Variants in PSEN1 observed in about 807,000 individuals in gnomAD.
PSEN1 encodes presenilin-1.
Under a neutral mutation model 53.5 loss-of-function variants are expected in PSEN1, and 15 were observed. The ratio of observed to expected loss-of-function variants is 0.28; its 90% CI spans 0.19 to 0.43. The LOEUF is 0.43. PSEN1 is among the 20% of genes least tolerant of loss of function. The pLI, the probability that PSEN1 is intolerant of heterozygous loss-of-function variation, is 1.00. For synonymous variants in PSEN1, 208 were observed against 209.8 expected (o/e 0.99, Z 0.08); for missense variants, 387 against 571.2 (o/e 0.68, Z 3.29).
rs756256461 is a variant in PSEN1 at position 73,192,669 on chromosome 14, G to A, written c.574G>A (p.Ala192Thr). 6.2e-7 allele frequency: 1 copy of A among 1,613,716 alleles called. No individual in the cohort carries two copies. Among genetic ancestry groups the A allele is most frequent in the East Asian group, 2.2e-5 (1 of 44,878 alleles). ...GGAAGTGTTTAAAACCTATAACGTTGCTGTGGACTACATTACTGTTGCACT... is the reference window on the plus strand; with the variant it reads ...GGAAGTGTTTAAAACCTATAACGTTACTGTGGACTACATTACTGTTGCACT... ...LGEVFKTYNV[A>T]VDYITVALLI... Residue 192 changes from alanine (A) to threonine (T), a missense_variant, in exon 7 of 12, where the codon GCT becomes ACT. By Grantham distance (58) the Ala-to-Thr change is moderately conservative. Around this residue, in one of 4 missense-constraint regions of PSEN1, gnomAD observed 169 missense variants for 299.7 expected, o/e 0.56. Transcript: ENST00000324501.
rs569649989 is a variant in PSEN1 at position 73,141,487 on chromosome 14, T to A, written c.-136+4904T>A. Among the ~76,000 whole-genome samples, 11 of 152,240 alleles carry A rather than the reference T, an allele frequency of 7.2e-5. No homozygotes were observed. In the East Asian group the frequency reaches 7.7e-4, roughly 11 times the overall value. ...TAAAGTTTTTAAATTAGTTTAAAAA[T>A]TTTTTTTATTAATTTCAATTATAGG... On this transcript the variant is annotated intron_variant, in intron 1 of 11. Coordinates refer to ENST00000324501, the MANE Select transcript of PSEN1 (RefSeq NM_000021.4).
chr14:73,173,483 G>T (rs1897950972), intron 4 of PSEN1, 83 bp from the exon 5 acceptor site: 2 of 1,410,936 alleles, frequency 1.4e-6, no homozygotes, highest in African/African-American at 1.4e-5. Context: ...TTAAGAAAAA[G>T]AAAATTCTGT....
chr14:73,191,704 C>T (rs1165206661), intron 6 of PSEN1, among the ~76,000 whole-genome samples: 1 of 152,014 alleles, frequency 6.6e-6, no homozygotes, highest in Non-Finnish European at 1.5e-5. Context: ...GTGCCATCAA[C>T]TTTAGCTAAT....
chr14:73,157,622 T>C (rs1373781739), intron 3 of PSEN1, among the ~76,000 whole-genome samples: 1 of 152,152 alleles, frequency 6.6e-6, no homozygotes, highest in Non-Finnish European at 1.5e-5. Context: ...TAATCTCTCC[T>C]TCTCCTCCCT....
At chr14:73,199,689 C>A (rs1270115805) in intron 8 of PSEN1, among the ~76,000 whole-genome samples, 2 of 152,174 alleles carry the variant, frequency 1.3e-5, no homozygotes, top group Non-Finnish European at 2.9e-5. Context: ...AAAGCTGTGC[C>A]TGTTTACATT....
intron 5 of PSEN1, among the ~76,000 whole-genome samples, chr14:73,186,551 C>T (rs769326615): frequency 6.6e-6 from 1 of 152,008 alleles, no homozygotes; most frequent in Non-Finnish European, 1.5e-5. Context: ...CTGAGGCGGG[C>T]GGATCACTTG....
chr14:73,154,592 C>A (rs369995753), intron 3 of PSEN1, among the ~76,000 whole-genome samples: 2 of 152,102 alleles, frequency 1.3e-5, no homozygotes, highest in South Asian at 4.2e-4. Context: ...CAAAGTGAGA[C>A]CCTGCCTCAA....
At chr14:73,200,601 A>AC (rs1196204472) in intron 8 of PSEN1, among the ~76,000 whole-genome samples, 1 of 152,216 alleles carries the variant, frequency 6.6e-6, no homozygotes, top group Admixed American at 6.5e-5. Flanking sequence ...TATCCTTGAA[A>AC]AAGGATAAAC....
intron 3 of PSEN1, among the ~76,000 whole-genome samples, chr14:73,151,768 C>T (rs758812787): frequency 7.3e-5 from 11 of 150,730 alleles, no homozygotes; most frequent in East Asian, 2.0e-4. Flanking sequence ...GAGGTTTCAC[C>T]GTGTTGCACA....
chr14:73,218,086 CTTTTTT>C (rs58637970), intron 11 of PSEN1, among the ~76,000 whole-genome samples: 5 of 97,896 alleles, frequency 5.1e-5, no homozygotes, highest in African/African-American at 1.8e-4. Flanking sequence ...CCGCACCTGG[CTTTTTT>C]TTTTTTTTTT....
In PSEN1 at chr14:73,216,346, A is replaced by T. The variant is rs562067703; in HGVS notation, c.1130-780A>T. Among the ~76,000 whole-genome samples, 25 of 152,312 alleles carry T rather than the reference A, an allele frequency of 1.6e-4. 1 individual carries two copies. In the South Asian group the frequency reaches 5.0e-3, roughly 30 times the overall value. On this transcript the variant is annotated intron_variant, in intron 10 of 11. Transcript: ENST00000324501. Reference sequence around the variant, plus strand: ...GGCAATGGACATGTGGATTGTGATGATAGTTAAATTGTACAGCTCTCTCTA... The same window carrying T: ...GGCAATGGACATGTGGATTGTGATGTTAGTTAAATTGTACAGCTCTCTCTA...
intron 5 of PSEN1, among the ~76,000 whole-genome samples, chr14:73,181,357 G>C (rs1455117896): frequency 2.0e-5 from 3 of 152,176 alleles, no homozygotes; most frequent in Admixed American, 2.0e-4. Flanking sequence ...CAGGAGAATC[G>C]CTTGAATCTG....
At chr14:73,178,451 G>C (rs917285860) in intron 5 of PSEN1, among the ~76,000 whole-genome samples, 7 of 152,022 alleles carry the variant, frequency 4.6e-5, no homozygotes, top group African/African-American at 1.7e-4. Flanking sequence ...GCCTCCCAAA[G>C]TGCTGGGATT....
chr14:73,142,210 A>G (rs536997863), intron 1 of PSEN1, among the ~76,000 whole-genome samples: 15 of 152,320 alleles, frequency 9.8e-5, no homozygotes, highest in African/African-American at 3.6e-4. Context: ...CATTCATAAC[A>G]TTAGAAGTTG....
At chr14:73,142,403 A>G (rs1050895944) in intron 1 of PSEN1, among the ~76,000 whole-genome samples, 8 of 152,370 alleles carry the variant, frequency 5.3e-5, no homozygotes, top group African/African-American at 1.7e-4. Flanking sequence ...GCTTAGAGAC[A>G]TTAAAACAAG....
rs63749987 is a variant in PSEN1 at position 73,192,750 on chromosome 14, C to T, written c.655C>T (p.Leu219Phe). 6.2e-7 allele frequency: 1 copy of T among 1,613,970 alleles called. No homozygotes were observed. Among genetic ancestry groups the T allele is most frequent in the South Asian group, 1.1e-5 (1 of 91,076 alleles). The change falls in exon 7 of 12, where the codon CTT becomes TTT. Residue 219 changes from leucine (L) to phenylalanine (F), a missense_variant. Leu to Phe is a conservative substitution (Grantham distance 22). This residue lies in a region of PSEN1 where 169 missense variants were observed against 299.7 expected (regional missense o/e 0.56). Transcript: ENST00000324501. ...GATTTCCATTCACTGGAAAGGTCCA[C>T]TTCGACTCCAGCAGGCATATCTCAT... Reference protein sequence around the residue: ...GMISIHWKGPLRLQQAYLIMI... With the variant: ...GMISIHWKGPFRLQQAYLIMI...
In PSEN1 at chr14:73,174,172, A is replaced by T. The variant is rs1897978179; in HGVS notation, c.480+465A>T. 4 of 191,416 alleles carry T rather than the reference A, an allele frequency of 2.1e-5. No homozygotes were observed. In the Admixed American group the frequency reaches 2.2e-4, roughly 11 times the overall value. The allele number at this position is 191,416 out of a possible 1,614,324, so 11.9% of individuals were successfully genotyped here. A position where few individuals can be genotyped will look rare whatever the true frequency, so the allele number is the denominator to read the frequency against. ...AAAAATAAAAGCAGAAAACAAAAAA[A>T]GTTGTAACTGAAAAATAAACATTTC... is the stretch of plus-strand genomic sequence containing the variant. On this transcript the variant is annotated intron_variant, in intron 5 of 11. Transcript: ENST00000324501.
intron 6 of PSEN1, 22 bp downstream of exon 6, chr14:73,186,942 C>T (rs1898541114): frequency 4.4e-6 from 7 of 1,582,546 alleles, no homozygotes; most frequent in Non-Finnish European, 6.1e-6. Context: ...AATTTTTGGT[C>T]TGTCTTTCAG....
intron 6 of PSEN1, among the ~76,000 whole-genome samples, chr14:73,192,235 T>G (rs948167886): frequency 7.9e-5 from 12 of 151,956 alleles, no homozygotes; most frequent in Non-Finnish European, 1.8e-4. Context: ...CCCAGGAGTT[T>G]TAGACCAACC....
Sources: allele counts gnomAD v4.1 joint callset (sites outside exome capture counted in the v4.1 genomes callset), GRCh38; gene constraint gnomAD v4.1.1; regional missense constraint gnomAD v4.1.1; transcripts MANE v1.5; gene names NCBI Gene and HGNC (gene_info 2026-07-23, HGNC 2026-07-21).